Variants in CYP2J2 observed in about 807,000 individuals in gnomAD.
CYP2J2 encodes the protein cytochrome P450 2J2.
CYP2J2 carries 41 observed loss-of-function variants against 48.8 expected under a neutral mutation model. That is an observed-to-expected ratio of 0.84 (90% CI 0.66 to 1.09). The LOEUF is 1.09. Ranked by LOEUF, CYP2J2 falls within the 50% of genes least tolerant of loss-of-function variation. The pLI is 0.00. For missense variants in CYP2J2, 644 were observed against 617.3 expected, an observed-to-expected ratio of 1.04 and a Z score of -0.46; for synonymous variants, 221 against 227.1, an observed-to-expected ratio of 0.97 and a Z score of 0.24.
the CYP2J2 span, among the ~76,000 whole-genome samples, chr1:59,933,635 A>G: frequency 1.3e-5 from 2 of 152,172 alleles, no homozygotes; most frequent in Non-Finnish European, 2.9e-5. Flanking sequence ...ATCTGTGAAC[A>G]GAGATAATTT....
At chr1:59,939,000 T>C in the CYP2J2 span, among the ~76,000 whole-genome samples, 7 of 152,210 alleles carry the variant, frequency 4.6e-5, no homozygotes, top group Non-Finnish European at 7.3e-5. Context: ...ACAATGCATG[T>C]TTTTGCGAGT....
chr1:59,955,574 G>T, the CYP2J2 span, among the ~76,000 whole-genome samples: 1 of 151,982 alleles, frequency 6.6e-6, no homozygotes, highest in African/African-American at 2.4e-5. Context: ...ACCATACAGT[G>T]AAGATACTGG....
chr1:59,893,444 T>A lies in CYP2J2; in HGVS notation c.*207A>T, dbSNP rs1259359573. 4.3e-6 allele frequency: 2 copies of A among 468,834 alleles called. No individual in the cohort carries two copies. Among genetic ancestry groups the A allele is most frequent in the Admixed American group, 6.6e-5 (2 of 30,514 alleles). 29.0% of individuals were successfully genotyped at this position (468,834 alleles called of 1,614,324 possible). A position where few individuals can be genotyped will look rare whatever the true frequency, so the allele number is the denominator to read the frequency against. On this transcript the variant is annotated 3_prime_UTR_variant, in exon 9 of 9. Transcript: ENST00000371204. ...TCATCTCCTAGATAAAAAGGTAAATTATTTAGCATATAAATGATTTTCCCA... is the reference window on the plus strand; with the variant it reads ...TCATCTCCTAGATAAAAAGGTAAATAATTTAGCATATAAATGATTTTCCCA...
At chr1:59,957,773 T>C in the CYP2J2 span, among the ~76,000 whole-genome samples, 190 of 151,878 alleles carry the variant, frequency 1.3e-3, no homozygotes, top group Non-Finnish European at 2.5e-3. Context: ...TACCAAGTAT[T>C]GAACTCAATG....
chr1:59,914,545 T>C (rs983540772), intron 2 of CYP2J2, among the ~76,000 whole-genome samples: 13 of 152,206 alleles, frequency 8.5e-5, no homozygotes, highest in African/African-American at 2.9e-4. Context: ...ATGGAATCAA[T>C]GTTTAAGGGA....
intron 8 of CYP2J2, among the ~76,000 whole-genome samples, chr1:59,897,257 A>T (rs1220466078): frequency 1.3e-5 from 2 of 152,224 alleles, no homozygotes; most frequent in Admixed American, 6.5e-5. Flanking sequence ...AAGAATCCAT[A>T]TATCATGACA....
the CYP2J2 span, among the ~76,000 whole-genome samples, chr1:59,953,864 C>T: frequency 6.6e-6 from 1 of 151,932 alleles, no homozygotes; most frequent in Non-Finnish European, 1.5e-5. Context: ...AGATTTTAGG[C>T]CATAGTAAGG....
intron 6 of CYP2J2, among the ~76,000 whole-genome samples, chr1:59,905,648 A>G (rs1254121309): frequency 6.6e-6 from 1 of 152,198 alleles, no homozygotes; most frequent in Non-Finnish European, 1.5e-5. Flanking sequence ...TACAACATTG[A>G]TGCTGCAAGT....
At chr1:59,899,068 G>A (rs527842020) in intron 8 of CYP2J2, among the ~76,000 whole-genome samples, 26 of 152,142 alleles carry the variant, frequency 1.7e-4, no homozygotes, top group Admixed American at 1.6e-3. Context: ...TTAAAACCAC[G>A]GACTTCTAAT....
chr1:59,953,450 G>A, the CYP2J2 span, among the ~76,000 whole-genome samples: 1 of 152,100 alleles, frequency 6.6e-6, no homozygotes, highest in East Asian at 1.9e-4. Flanking sequence ...ATCGGGCAGT[G>A]ATAATTGGTA....
At position 59,926,142 on chromosome 1, in the gene CYP2J2, T is replaced by G. The variant is rs1375883410; in HGVS notation, c.210+395A>C. Among the ~76,000 whole-genome samples the G allele has an allele frequency of 5.3e-5, 8 of 152,140 alleles. No individual in the cohort carries two copies. The East Asian group carries it at 5.8e-4, about 11-fold the overall frequency. On this transcript the variant is annotated intron_variant, in intron 1 of 8. Transcript: ENST00000371204. ...GCTCAGTTAGTGTAGTGGGAATAAC[T>G]CAGTTGAGAAATGATCAAGATTGAG...
chr1:59,949,701 C>CT, the CYP2J2 span, among the ~76,000 whole-genome samples: 163 of 139,868 alleles, frequency 1.2e-3, 1 homozygote, highest in Non-Finnish European at 2.1e-3. Flanking sequence ...TGACTGGAAG[C>CT]TTTTTTTTTT....
the CYP2J2 span, among the ~76,000 whole-genome samples, chr1:59,945,597 A>G: frequency 4.6e-5 from 7 of 152,188 alleles, no homozygotes; most frequent in Non-Finnish European, 7.3e-5. Flanking sequence ...CATAAATTTT[A>G]GACTTAGTCC....
chr1:59,909,884 A>C lies in CYP2J2; in HGVS notation c.761T>G (p.Leu254Arg), dbSNP rs1644396916. The C allele has an allele frequency of 9.3e-6, 15 of 1,612,012 alleles. No individual in the cohort carries two copies. Among genetic ancestry groups the C allele is most frequent in the Non-Finnish European group, 1.1e-5 (13 of 1,179,040 alleles). The change falls in exon 5 of 9, where the codon CTG (leucine) becomes CGG (arginine). Residue 254 changes from leucine to arginine, a missense_variant. Leu to Arg is a moderately radical substitution (Grantham distance 102). Coordinates refer to ENST00000371204, the MANE Select transcript of CYP2J2 (RefSeq NM_000775.4). ...HQTLFSNWKK[L>R]KLFVSHMIDK... The stretch of plus-strand genomic sequence containing the variant: ...AATCATATGAGAAACAAACAATTTC[A>C]GTTTTTTCCAGTTGCTGAAGAGAGT...
intron 1 of CYP2J2, among the ~76,000 whole-genome samples, chr1:59,921,958 A>C (rs537557752): frequency 1.3e-5 from 2 of 152,244 alleles, no homozygotes; most frequent in South Asian, 4.1e-4. Context: ...CTCACCTCAT[A>C]ATCAAACAAC....
chr1:59,936,370 C>T, the CYP2J2 span, among the ~76,000 whole-genome samples: 2 of 152,102 alleles, frequency 1.3e-5, no homozygotes, highest in African/African-American at 2.4e-5. Context: ...CTTTACCCTG[C>T]GTCACACGTG....
intron 7 of CYP2J2, chr1:59,904,539 T>C (rs1038918611): frequency 5.1e-6 from 1 of 195,374 alleles, no homozygotes; most frequent in African/African-American, 2.3e-5. Context: ...AGAAAAGTGT[T>C]CTGTGATAAA....
At chr1:59,898,763 CTTAAA>C (rs1644291739) in intron 8 of CYP2J2, among the ~76,000 whole-genome samples, 1 of 152,126 alleles carries the variant, frequency 6.6e-6, no homozygotes, top group Non-Finnish European at 1.5e-5. Flanking sequence ...TTTTAGTTAT[CTTAAA>C]TTAAAAGGAG....
chr1:59,939,410 C>G, the CYP2J2 span, among the ~76,000 whole-genome samples: 1 of 152,192 alleles, frequency 6.6e-6, no homozygotes, highest in Non-Finnish European at 1.5e-5. Context: ...CTCTTGTTCT[C>G]TGCTCTTAGT....
Sources: gnomAD v4.1 joint callset for allele counts (sites outside exome capture counted in the v4.1 genomes callset) on GRCh38, gnomAD v4.1.1 for gene constraint, MANE v1.5 for transcripts, NCBI Gene and HGNC (gene_info 2026-07-23, HGNC 2026-07-21) for gene names.